The following RFX3 variants were observed in gnomAD, a reference collection of about 807,000 sequenced individuals.
RFX3 encodes regulatory factor X3, also known as transcription factor RFX3.
In RFX3, 14 loss-of-function variants were observed where a neutral mutation model predicts 98.6. The observed-to-expected ratio is 0.14, with a 90% CI of 0.09 to 0.22. The LOEUF (loss-of-function observed/expected upper bound fraction) is 0.22. Among genes scored for constraint, RFX3 ranks in the 10% least tolerant of loss-of-function variants. The pLI is 1.00. For missense variants in RFX3, 639 were observed against 926.9 expected (o/e 0.69, Z 4.03); for synonymous variants, 383 against 328.4 (o/e 1.17, Z -1.80).
chr9:3,270,163 AAAG>A (rs781245716), intron 11 of RFX3, among the ~76,000 whole-genome samples: 5 of 151,416 alleles, frequency 3.3e-5, no homozygotes, highest in Non-Finnish European at 7.4e-5. Context: ...AAGAAAAAGA[AAAG>A]AAAGACTGAA....
intron 13 of RFX3, 60 bp downstream of exon 13, chr9:3,262,875 T>G: frequency 6.5e-7 from 1 of 1,540,108 alleles, no homozygotes; most frequent in Admixed American, 1.7e-5. Context: ...TGATCCCAAT[T>G]AAGAAGAACA....
Position 3,406,258 on chromosome 9 carries a change from G to A in RFX3, c.-8-10662C>T, listed in dbSNP as rs189402619. On this transcript the variant is annotated intron_variant, in intron 1 of 16. Transcript: ENST00000617270. ...GATTACAGACATGAGCCACTGACTC[G>A]GCCAACCCTGGGGACATTTGAACAG... 1.2e-3 allele frequency among the ~76,000 whole-genome samples: 189 copies of A among 151,770 alleles called. 2 individuals are homozygous for A. Among genetic ancestry groups the A allele is most frequent in the Admixed American group, 0.011 (172 of 15,204 alleles).
intron 3 of RFX3, among the ~76,000 whole-genome samples, chr9:3,341,267 T>C (rs201928647): frequency 2.7e-5 from 4 of 150,242 alleles, no homozygotes; most frequent in Non-Finnish European, 1.5e-5. Flanking sequence ...GGTTGGGGGA[T>C]GGGGGAGGGA....
rs142674855 is a variant in RFX3, at chr9:3,424,861, G to A, written c.-8-29265C>T. On this transcript the variant is annotated intron_variant, in intron 1 of 16. Transcript: ENST00000617270. ...TTTTCTCACAAAAAGAATAATACTA[G>A]TCTCAAGATAAAAACTTCAAGTGGC... Among the ~76,000 whole-genome samples the A allele has an allele frequency of 4.7e-3, 711 of 152,154 alleles. 7 individuals are homozygous for A. Among genetic ancestry groups the A allele is most frequent in the African/African-American group, 0.016 (661 of 41,494 alleles).
chr9:3,516,215 A>AT (rs1467952856), intron 1 of RFX3, among the ~76,000 whole-genome samples: 2 of 151,768 alleles, frequency 1.3e-5, no homozygotes, highest in African/African-American at 4.8e-5. Flanking sequence ...CGCCCAGCTA[A>AT]TTTTTTGTAT....
intron 1 of RFX3, among the ~76,000 whole-genome samples, chr9:3,461,686 T>C (rs1847701352): frequency 6.6e-6 from 1 of 151,882 alleles, no homozygotes; most frequent in Admixed American, 6.6e-5. Context: ...TCACAAAATG[T>C]TTACATGAAC....
At chr9:3,336,665 A>G (rs1396633873) in intron 3 of RFX3, among the ~76,000 whole-genome samples, 1 of 152,210 alleles carries the variant, frequency 6.6e-6, no homozygotes, top group Non-Finnish European at 1.5e-5. Flanking sequence ...ATAACAAATG[A>G]GAAAGCTGTT....
chr9:3,302,790 G>T (rs760208944), intron 4 of RFX3, among the ~76,000 whole-genome samples: 2 of 151,486 alleles, frequency 1.3e-5, no homozygotes, highest in Non-Finnish European at 3.0e-5. Context: ...TTTCTTTATG[G>T]TAAAACACTT....
At chr9:3,269,380 T>C (rs1824079653) in intron 11 of RFX3, among the ~76,000 whole-genome samples, 2 of 152,082 alleles carry the variant, frequency 1.3e-5, no homozygotes, top group African/African-American at 4.8e-5. Flanking sequence ...ATTTTCATAT[T>C]TTCTAGAATA....
chr9:3,363,516 T>C (rs889589172), intron 2 of RFX3, among the ~76,000 whole-genome samples: 1 of 152,214 alleles, frequency 6.6e-6, no homozygotes, highest in Non-Finnish European at 1.5e-5. Context: ...GAATTATTTG[T>C]TTGCAGCCAA....
intron 1 of RFX3, among the ~76,000 whole-genome samples, chr9:3,397,741 C>T (rs577399406): frequency 7.9e-5 from 12 of 152,258 alleles, no homozygotes; most frequent in Non-Finnish European, 1.6e-4. Context: ...TAAAGCAGCA[C>T]AATAAACCTT....
intron 1 of RFX3, among the ~76,000 whole-genome samples, chr9:3,504,027 T>C (rs546077749): frequency 6.6e-6 from 1 of 150,968 alleles, no homozygotes; most frequent in East Asian, 1.9e-4. Flanking sequence ...TGGAAGCAGG[T>C]AGGGTGGACT....
intron 2 of RFX3, among the ~76,000 whole-genome samples, chr9:3,364,048 G>A (rs1836772681): frequency 6.6e-6 from 1 of 152,088 alleles, no homozygotes; most frequent in South Asian, 2.1e-4. Context: ...ATTAATTTTT[G>A]TACTTTTAGT....
intron 15 of RFX3, 140 bp downstream of exon 15, chr9:3,247,892 A>G (rs1446028376): frequency 1.4e-5 from 23 of 1,609,802 alleles, no homozygotes; most frequent in Non-Finnish European, 2.0e-5. Context: ...AACTCTTGCA[A>G]TAACTCCACA....
At chr9:3,378,219 G>A (rs569118638) in intron 2 of RFX3, among the ~76,000 whole-genome samples, 1 of 152,100 alleles carries the variant, frequency 6.6e-6, no homozygotes, top group African/African-American at 2.4e-5. Flanking sequence ...ATTGTTACAT[G>A]ACTGTCGAAG....
intron 1 of RFX3, among the ~76,000 whole-genome samples, chr9:3,483,245 T>C (rs1259656996): frequency 6.6e-6 from 1 of 152,080 alleles, no homozygotes; most frequent in Non-Finnish European, 1.5e-5. Context: ...GTTGTCACAA[T>C]GATGCAGGGA....
At chr9:3,523,583 TAAATA>T (rs1278493854) in intron 1 of RFX3, among the ~76,000 whole-genome samples, 2 of 152,194 alleles carry the variant, frequency 1.3e-5, no homozygotes, top group African/African-American at 4.8e-5. Flanking sequence ...TCAGACACTG[TAAATA>T]AAATATTAAA....
intron 1 of RFX3, among the ~76,000 whole-genome samples, chr9:3,421,232 C>T (rs13297034): frequency 0.24 from 37,111 of 151,938 alleles, 7,188 homozygotes; most frequent in African/African-American, 0.54. Flanking sequence ...GTTTACAGTA[C>T]GTTCTGAACT....
At chr9:3,252,763 A>C (rs1432536092) in intron 14 of RFX3, among the ~76,000 whole-genome samples, 1 of 152,196 alleles carries the variant, frequency 6.6e-6, no homozygotes, top group Non-Finnish European at 1.5e-5. Context: ...ATTTCAGCAT[A>C]AAATGCACAC....
Sources: gnomAD v4.1 joint callset for allele counts (sites outside exome capture counted in the v4.1 genomes callset) on GRCh38, gnomAD v4.1.1 for gene constraint, MANE v1.5 for transcripts, NCBI Gene and HGNC (gene_info 2026-07-23, HGNC 2026-07-21) for gene names.